Variants in GALNT14 observed in about 807,000 individuals in gnomAD.
GALNT14 encodes polypeptide N-acetylgalactosaminyltransferase 14.
GALNT14 carries 60 observed loss-of-function variants against 77.5 expected under a neutral mutation model. The ratio of observed to expected loss-of-function variants is 0.77; its 90% CI spans 0.63 to 0.96. GALNT14 has a LOEUF of 0.96. Among genes scored for constraint, GALNT14 ranks in the 40% least tolerant of loss-of-function variants. GALNT14 has a pLI of 0.00. For missense variants in GALNT14, 710 were observed against 731.0 expected (o/e 0.97, Z 0.33); for synonymous variants, 280 against 281.7 (o/e 0.99, Z 0.06).
the GALNT14 span, among the ~76,000 whole-genome samples, chr2:30,893,685 A>C: frequency 6.6e-6 from 1 of 152,156 alleles, no homozygotes; most frequent in Non-Finnish European, 1.5e-5. Flanking sequence ...TAGAAGTGTG[A>C]AGGATGGCTG....
intron 1 of GALNT14, among the ~76,000 whole-genome samples, chr2:31,038,442 C>T (rs1007177057): frequency 6.6e-6 from 1 of 151,936 alleles, no homozygotes; most frequent in African/African-American, 2.4e-5. Context: ...ACTGTATGAA[C>T]TCGGTAAGCC....
intron 1 of GALNT14, among the ~76,000 whole-genome samples, chr2:31,074,406 G>T (rs1213274469): frequency 2.0e-5 from 2 of 100,498 alleles, no homozygotes; most frequent in African/African-American, 1.0e-4. Context: ...ATCTTTGGGG[G>T]ATTTTTTTTT....
chr2:31,126,084 C>T (rs1034077255), intron 1 of GALNT14, among the ~76,000 whole-genome samples: 1 of 152,160 alleles, frequency 6.6e-6, no homozygotes, highest in Non-Finnish European at 1.5e-5. Flanking sequence ...TGTCAGATAG[C>T]GGTGAAAGCA....
intron 9 of GALNT14, among the ~76,000 whole-genome samples, chr2:30,938,865 G>A (rs1336881175): frequency 3.3e-5 from 5 of 152,242 alleles, no homozygotes; most frequent in African/African-American, 9.6e-5. Flanking sequence ...ATGCAAACAT[G>A]TCTAGAACAC....
the GALNT14 span, among the ~76,000 whole-genome samples, chr2:30,901,923 G>A: frequency 9.8e-5 from 15 of 152,308 alleles, no homozygotes; most frequent in Non-Finnish European, 1.9e-4. Flanking sequence ...TCCTTAGAGT[G>A]TGGGTCTTTT....
intron 1 of GALNT14, among the ~76,000 whole-genome samples, chr2:31,105,948 C>T (rs942251237): frequency 2.0e-5 from 3 of 152,116 alleles, no homozygotes; most frequent in Non-Finnish European, 4.4e-5. Context: ...AACACGGTTC[C>T]TATTATCCTC....
intron 1 of GALNT14, among the ~76,000 whole-genome samples, chr2:31,133,683 A>G (rs1057380767): frequency 3.3e-5 from 5 of 152,232 alleles, no homozygotes; most frequent in African/African-American, 1.2e-4. Flanking sequence ...TTAGTCAGTT[A>G]TTGTATGATT....
chr2:31,018,211 C>T (rs1252019854), intron 1 of GALNT14, among the ~76,000 whole-genome samples: 3 of 152,338 alleles, frequency 2.0e-5, no homozygotes, highest in Admixed American at 6.5e-5. Flanking sequence ...TGGCCCAGGC[C>T]GAGAAAGAGC....
At position 30,910,884 on chromosome 2, in the gene GALNT14, G is replaced by A; in HGVS notation, c.*17C>T. 6.2e-7 allele frequency: 1 copy of A among 1,612,660 alleles called. No homozygotes were observed. Among genetic ancestry groups the A allele is most frequent in the East Asian group, 2.2e-5 (1 of 44,856 alleles). The stretch of plus-strand genomic sequence containing the variant: ...GAAGCACCACCCCATGGCCCTTGCT[G>A]CTTCTGGCAGGGGTCCTCAAGAGCT... On this transcript the variant is annotated 3_prime_UTR_variant, in exon 15 of 15. Coordinates refer to ENST00000349752, the MANE Select transcript of GALNT14 (RefSeq NM_024572.4).
intron 1 of GALNT14, among the ~76,000 whole-genome samples, chr2:31,031,638 G>A (rs1173807358): frequency 6.6e-6 from 1 of 152,084 alleles, no homozygotes; most frequent in East Asian, 1.9e-4. Flanking sequence ...GTTACACCTT[G>A]TTGACACATT....
rs1679298190 is a variant in GALNT14 at position 31,137,872 on chromosome 2, TCCCGGGAGCCCGCAAACCCGG to T, written c.129+65_129+85del. 4 of 1,509,010 alleles carry T rather than the reference TCCCGGGAGCCCGCAAACCCGG, an allele frequency of 2.7e-6. No individual in the cohort carries two copies. In the Admixed American group the frequency reaches 8.4e-5, roughly 32 times the overall value. The allele number at this position is 1,509,010 out of a possible 1,614,324, so 93.5% of individuals were successfully genotyped here. The stretch of plus-strand genomic sequence containing the variant: ...CAGCACCCAGACCCTCGCCCTGGTT[TCCCGGGAGCCCGCAAACCCGG>T]CACGCGGGCTGCGCGCCCTCCCGCA... On this transcript the variant is annotated intron_variant, in intron 1 of 14. Transcript: ENST00000349752.
intron 13 of GALNT14, among the ~76,000 whole-genome samples, chr2:30,917,884 G>A (rs1239459475): frequency 6.6e-6 from 1 of 152,230 alleles, no homozygotes; most frequent in Admixed American, 6.5e-5. Flanking sequence ...CTGAGACATA[G>A]CCTTGAAGCT....
chr2:31,129,706 C>A, intron 1 of GALNT14: 2 of 931,344 alleles, frequency 2.1e-6, no homozygotes, highest in Non-Finnish European at 2.6e-6. Context: ...TTGGACCAGT[C>A]TCTATGGCTG....
intron 11 of GALNT14, among the ~76,000 whole-genome samples, chr2:30,928,825 C>T (rs1004994995): frequency 1.3e-5 from 2 of 152,106 alleles, no homozygotes; most frequent in African/African-American, 4.8e-5. Flanking sequence ...CCATATTGGC[C>T]AGGCGGGTCT....
chr2:30,897,609 G>A, the GALNT14 span, among the ~76,000 whole-genome samples: 3 of 152,178 alleles, frequency 2.0e-5, no homozygotes, highest in African/African-American at 4.8e-5. Context: ...GCTGAGCCCC[G>A]CCTCCAGGTC....
the GALNT14 span, among the ~76,000 whole-genome samples, chr2:30,905,387 C>A: frequency 1.1e-3 from 165 of 151,182 alleles, 1 homozygote; most frequent in Middle Eastern, 3.4e-3. Context: ...GAGCTGAAAA[C>A]CAAGGCTCGA....
In GALNT14 at chr2:30,944,870, G is replaced by T; in HGVS notation, c.815C>A (p.Thr272Lys). The T allele has an allele frequency of 6.2e-7, 1 of 1,607,468 alleles. No homozygotes were observed. The highest frequency in any genetic ancestry group is 8.5e-7 in the Non-Finnish European group (1 of 1,175,782). ...PEQKARRLDP[T>K]EPIRTPIIAG... ...TCTTCCCACTTACCTGATGGGCTCC[G>T]TGGGGTCCAGGCGCCGAGCCTTCTG... Residue 272 changes from threonine (T) to lysine (K), a missense_variant, in exon 8 of 15, where the codon ACG becomes AAG. Thr to Lys is a moderately conservative substitution (Grantham distance 78). Coordinates refer to ENST00000349752, the MANE Select transcript of GALNT14 (RefSeq NM_024572.4).
chr2:30,899,803 G>C, the GALNT14 span, among the ~76,000 whole-genome samples: 3 of 152,244 alleles, frequency 2.0e-5, no homozygotes, highest in Non-Finnish European at 2.9e-5. Context: ...GCTAATCCGA[G>C]TTGGGCCGCC....
At chr2:30,959,090 C>T (rs1342045016) in intron 3 of GALNT14, among the ~76,000 whole-genome samples, 2 of 152,186 alleles carry the variant, frequency 1.3e-5, no homozygotes, top group African/African-American at 4.8e-5. Flanking sequence ...TCATTCATAA[C>T]TAAGAGCCTC....
Sources: gnomAD v4.1 joint callset for allele counts (sites outside exome capture counted in the v4.1 genomes callset) on GRCh38, gnomAD v4.1.1 for gene constraint, MANE v1.5 for transcripts, NCBI Gene and HGNC (gene_info 2026-07-23, HGNC 2026-07-21) for gene names.